Variants in TRPM3 observed in about 807,000 individuals in gnomAD.
TRPM3 encodes long transient receptor potential channel 3.
Under a neutral mutation model 181.2 loss-of-function variants are expected in TRPM3, and 77 were observed. The observed-to-expected ratio is 0.42, with a 90% CI of 0.35 to 0.51. The LOEUF (loss-of-function observed/expected upper bound fraction) is 0.51. TRPM3 is among the 20% of genes least tolerant of loss of function. The pLI, the probability that TRPM3 is intolerant of heterozygous loss-of-function variation, is 0.01. For synonymous variants in TRPM3, 745 were observed against 796.4 expected, an observed-to-expected ratio of 0.94 and a Z score of 1.09; for missense variants, 1,759 against 2,196.7, an observed-to-expected ratio of 0.80 and a Z score of 3.98.
At chr9:71,187,515 C>A in intron 1 of TRPM3, among the ~76,000 whole-genome samples, 1 of 151,948 alleles carries the variant, frequency 6.6e-6, no homozygotes, top group East Asian at 1.9e-4. Flanking sequence ...CCACTGACTC[C>A]ATCAAGAATT....
At chr9:71,043,231 C>T (rs1462487749) in intron 1 of TRPM3, among the ~76,000 whole-genome samples, 1 of 152,146 alleles carries the variant, frequency 6.6e-6, no homozygotes, top group Non-Finnish European at 1.5e-5. Flanking sequence ...AGCTTCAAAC[C>T]TTGCTATATT....
chr9:70,940,049 T>C (rs2096870492), intron 1 of TRPM3, among the ~76,000 whole-genome samples: 1 of 152,306 alleles, frequency 6.6e-6, no homozygotes, highest in Admixed American at 6.5e-5. Context: ...CACCTTGTAG[T>C]GAGCTTAGGG....
chr9:71,354,260 G>A (rs570026114), intron 1 of TRPM3, among the ~76,000 whole-genome samples: 1 of 152,242 alleles, frequency 6.6e-6, no homozygotes, highest in Admixed American at 6.5e-5. Flanking sequence ...CCAGCTACAA[G>A]AAGACTCGTC....
intron 3 of TRPM3, among the ~76,000 whole-genome samples, chr9:70,861,014 C>T (rs535123040): frequency 6.6e-6 from 1 of 152,298 alleles, no homozygotes; most frequent in Non-Finnish European, 1.5e-5. Context: ...TCTAAATCCA[C>T]AATCTACATT....
At chr9:71,115,965 G>C (rs1030711419) in intron 1 of TRPM3, among the ~76,000 whole-genome samples, 2 of 152,140 alleles carry the variant, frequency 1.3e-5, no homozygotes, top group African/African-American at 2.4e-5. Context: ...CTGGGTTTTA[G>C]TTTGGTCCCA....
chr9:70,842,629 G>A (rs754572398), intron 5 of TRPM3, among the ~76,000 whole-genome samples: 18 of 152,072 alleles, frequency 1.2e-4, no homozygotes, highest in South Asian at 4.2e-4. Flanking sequence ...CGGAGAGTCC[G>A]TGTTTACTAT....
At chr9:70,779,426 C>T (rs541133829) in intron 7 of TRPM3, among the ~76,000 whole-genome samples, 1 of 152,162 alleles carries the variant, frequency 6.6e-6, no homozygotes, top group Non-Finnish European at 1.5e-5. Flanking sequence ...GAACGAGGAG[C>T]ACCATTTTGG....
At chr9:70,931,126 G>C (rs866712112) in intron 1 of TRPM3, among the ~76,000 whole-genome samples, 1 of 152,010 alleles carries the variant, frequency 6.6e-6, no homozygotes, top group South Asian at 2.1e-4. Context: ...CAACTTTGAA[G>C]AGACAATGTT....
intron 1 of TRPM3, among the ~76,000 whole-genome samples, chr9:71,197,778 G>A (rs2078485200): frequency 7.4e-6 from 1 of 135,894 alleles, no homozygotes; most frequent in Non-Finnish European, 1.6e-5. Context: ...TTAGCCCTAT[G>A]TCAGATGAGT....
chr9:71,259,851 T>A (rs988225452), intron 1 of TRPM3, among the ~76,000 whole-genome samples: 1 of 152,186 alleles, frequency 6.6e-6, no homozygotes, highest in African/African-American at 2.4e-5. Context: ...TTCACTCTGA[T>A]GATAGTCTCT....
intron 1 of TRPM3, among the ~76,000 whole-genome samples, chr9:71,131,342 T>C (rs111421048): frequency 6.6e-6 from 1 of 152,216 alleles, no homozygotes; most frequent in East Asian, 1.9e-4. Context: ...CTTCAACATT[T>C]ATTGCAGCTC....
intron 7 of TRPM3, among the ~76,000 whole-genome samples, chr9:70,772,622 C>T (rs1174318452): frequency 6.6e-6 from 1 of 152,228 alleles, no homozygotes; most frequent in Non-Finnish European, 1.5e-5. Flanking sequence ...CACACCCAGC[C>T]ATATCATCAG....
chr9:71,384,010 G>C (rs2092868470), intron 1 of TRPM3, among the ~76,000 whole-genome samples: 1 of 152,200 alleles, frequency 6.6e-6, no homozygotes, highest in African/African-American at 2.4e-5. Flanking sequence ...CATAACTTGA[G>C]TAGTAATTAG....
intron 1 of TRPM3, among the ~76,000 whole-genome samples, chr9:71,029,532 T>A (rs1286174870): frequency 6.6e-6 from 1 of 152,174 alleles, no homozygotes; most frequent in African/African-American, 2.4e-5. Flanking sequence ...GTCTGAGATT[T>A]ATTTGTTCCA....
At chr9:70,689,316 T>C (rs1170760595) in intron 8 of TRPM3, among the ~76,000 whole-genome samples, 1 of 152,098 alleles carries the variant, frequency 6.6e-6, no homozygotes, top group East Asian at 1.9e-4. Flanking sequence ...CTGACTTTTA[T>C]AACAATAATA....
chr9:71,080,095 G>A (rs1333903942), intron 1 of TRPM3, among the ~76,000 whole-genome samples: 3 of 151,540 alleles, frequency 2.0e-5, no homozygotes, highest in East Asian at 1.9e-4. Flanking sequence ...GCTTGAACCC[G>A]GGAGGCAGAG....
chr9:71,216,538 G>A (rs1355643480), intron 1 of TRPM3, among the ~76,000 whole-genome samples: 1 of 152,130 alleles, frequency 6.6e-6, no homozygotes, highest in African/African-American at 2.4e-5. Context: ...GTCCACAATA[G>A]CTTTTAGACA....
At chr9:71,019,801 C>T (rs952590531) in intron 1 of TRPM3, among the ~76,000 whole-genome samples, 2 of 152,102 alleles carry the variant, frequency 1.3e-5, no homozygotes, top group Non-Finnish European at 2.9e-5. Context: ...TACACAACCA[C>T]ATTTCAAGCA....
At chr9:70,989,626 G>A (rs1055235834) in intron 1 of TRPM3, among the ~76,000 whole-genome samples, 1 of 152,078 alleles carries the variant, frequency 6.6e-6, no homozygotes, top group African/African-American at 2.4e-5. Flanking sequence ...CTTCTGACCT[G>A]GACCAAGATC....
Sources: allele counts gnomAD v4.1 joint callset (sites outside exome capture counted in the v4.1 genomes callset), GRCh38; gene constraint gnomAD v4.1.1; transcripts MANE v1.5; gene names NCBI Gene and HGNC (gene_info 2026-07-23, HGNC 2026-07-21).